PTPN1: variants seen among roughly 807,000 people sequenced by gnomAD.
PTPN1 encodes the protein protein tyrosine phosphatase non-receptor type 1, also known as tyrosine-protein phosphatase non-receptor type 1.
In PTPN1, 12 loss-of-function variants were observed where a neutral mutation model predicts 59.9. That is an observed-to-expected ratio of 0.20 (90% CI 0.13 to 0.32). The LOEUF (loss-of-function observed/expected upper bound fraction) is 0.32, where lower values mean the gene tolerates loss of function less well. Among genes scored for constraint, PTPN1 ranks in the 10% least tolerant of loss-of-function variants. The pLI is 1.00. For missense variants in PTPN1, 356 were observed against 549.2 expected (o/e 0.65, Z 3.52); for synonymous variants, 178 against 203.6 (o/e 0.87, Z 1.07).
At chr20:50,548,641 T>G (rs953432908) in intron 1 of PTPN1, among the ~76,000 whole-genome samples, 2 of 151,842 alleles carry the variant, frequency 1.3e-5, no homozygotes, top group African/African-American at 4.8e-5. Flanking sequence ...CCTGGGCTCA[T>G]GTGATCTGCC....
At chr20:50,528,488 C>T (rs1389448935) in intron 1 of PTPN1, among the ~76,000 whole-genome samples, 2 of 151,926 alleles carry the variant, frequency 1.3e-5, no homozygotes, top group East Asian at 1.9e-4. Context: ...CTGAGGTGGG[C>T]GGATCACTTG....
At chr20:50,526,116 C>G (rs1223261926) in intron 1 of PTPN1, among the ~76,000 whole-genome samples, 1 of 152,206 alleles carries the variant, frequency 6.6e-6, no homozygotes, top group Admixed American at 6.5e-5. Context: ...TGCAGATTCT[C>G]TCTTTCACTG....
intron 3 of PTPN1, among the ~76,000 whole-genome samples, chr20:50,566,597 G>GAA (rs554145684): frequency 2.6e-5 from 4 of 152,160 alleles, no homozygotes; most frequent in South Asian, 4.2e-4. Context: ...CCCAAACCAA[G>GAA]AACACCCTTC....
intron 1 of PTPN1, among the ~76,000 whole-genome samples, chr20:50,537,335 T>C (rs1350056451): frequency 6.6e-6 from 1 of 151,924 alleles, no homozygotes; most frequent in Non-Finnish European, 1.5e-5. Flanking sequence ...AAAATAATAA[T>C]AATAATAATA....
At chr20:50,522,414 A>G (rs2082555349) in intron 1 of PTPN1, among the ~76,000 whole-genome samples, 1 of 152,214 alleles carries the variant, frequency 6.6e-6, no homozygotes, top group African/African-American at 2.4e-5. Flanking sequence ...TTGCTTTGTG[A>G]CTTGGTCAGG....
chr20:50,523,985 C>T (rs919686547), intron 1 of PTPN1, among the ~76,000 whole-genome samples: 3 of 152,124 alleles, frequency 2.0e-5, no homozygotes, highest in African/African-American at 7.2e-5. Context: ...TCACTTCCTT[C>T]CTCTTTGGTC....
Position 50,581,464 on chromosome 20 carries a change from T to C in PTPN1, c.1284+4T>C. Reference sequence around the variant, plus strand: ...CGGCGCTTACCTCTGCTACAGGGTATGTTTCCACTGACAGACGCGCTGGCG... The same window carrying C: ...CGGCGCTTACCTCTGCTACAGGGTACGTTTCCACTGACAGACGCGCTGGCG... On this transcript the variant is annotated splice_donor_region_variant and intron_variant, in intron 9 of 9. Coordinates refer to ENST00000371621, the MANE Select transcript of PTPN1 (RefSeq NM_002827.4). 6.3e-7 allele frequency: 1 copy of C among 1,594,920 alleles called. No individual in the cohort carries two copies. The highest frequency in any genetic ancestry group is 8.6e-7 in the Non-Finnish European group (1 of 1,164,298).
Position 50,584,288 on chromosome 20 carries a change from T to C in PTPN1, c.*1573T>C, listed in dbSNP as rs917992168. 6.6e-6 allele frequency: 1 copy of C among 152,518 alleles called. No individual in the cohort carries two copies. The highest frequency in any genetic ancestry group is 2.4e-5 in the African/African-American group (1 of 41,456). The allele number at this position is 152,518 out of a possible 1,614,324, so 9.4% of individuals were successfully genotyped here. A position where few individuals can be genotyped will look rare whatever the true frequency, so the allele number is the denominator to read the frequency against. On this transcript the variant is annotated 3_prime_UTR_variant, in exon 10 of 10. Transcript: ENST00000371621. ...TGGTGAGGTGTGGATAAGGCTTAGGTGCCAGGCTGTAAGCATTCTGAGCTG... is the reference window on the plus strand; with the variant it reads ...TGGTGAGGTGTGGATAAGGCTTAGGCGCCAGGCTGTAAGCATTCTGAGCTG...
intron 1 of PTPN1, among the ~76,000 whole-genome samples, chr20:50,514,416 C>T (rs1406975201): frequency 2.0e-5 from 3 of 152,270 alleles, no homozygotes; most frequent in East Asian, 3.9e-4. Flanking sequence ...ACTGAAATAA[C>T]GGCCTTTTGT....
intron 1 of PTPN1, among the ~76,000 whole-genome samples, chr20:50,546,456 C>T (rs951544798): frequency 6.6e-6 from 1 of 152,090 alleles, no homozygotes; most frequent in African/African-American, 2.4e-5. Context: ...GGGCATTGGT[C>T]GTATTTTATT....
intron 1 of PTPN1, among the ~76,000 whole-genome samples, chr20:50,513,841 A>C (rs1038647778): frequency 2.0e-4 from 31 of 152,324 alleles, no homozygotes; most frequent in Middle Eastern, 3.4e-3. Flanking sequence ...CAGAGGAAAA[A>C]AAACTATTTT....
intron 1 of PTPN1, among the ~76,000 whole-genome samples, chr20:50,547,218 A>T (rs896114583): frequency 6.6e-6 from 1 of 152,226 alleles, no homozygotes; most frequent in African/African-American, 2.4e-5. Flanking sequence ...AAGTCGGGAC[A>T]CTTGAAAAAG....
chr20:50,560,227 C>T (rs777067751), intron 1 of PTPN1, among the ~76,000 whole-genome samples: 1 of 151,926 alleles, frequency 6.6e-6, no homozygotes, highest in African/African-American at 2.4e-5. Context: ...TTTGGTGGAG[C>T]GCTCACATCT....
chr20:50,514,341 A>G (rs576905403), intron 1 of PTPN1, among the ~76,000 whole-genome samples: 1 of 143,400 alleles, frequency 7.0e-6, no homozygotes, highest in Admixed American at 7.4e-5. Flanking sequence ...ATGTAATTGA[A>G]TGTGTACTGA....
intron 7 of PTPN1, 114 bp from the exon 8 acceptor site, chr20:50,579,589 C>G: frequency 1.0e-6 from 1 of 991,658 alleles, no homozygotes; most frequent in South Asian, 1.5e-5. Flanking sequence ...TGGCTGCAGC[C>G]CTGAGAGGCC....
chr20:50,533,699 C>CA (rs397864600), intron 1 of PTPN1, among the ~76,000 whole-genome samples: 7 of 152,166 alleles, frequency 4.6e-5, no homozygotes, highest in African/African-American at 1.4e-4. Context: ...TGCCCCCCCC[C>CA]AGAAAGGAAG....
rs59130701 is a variant in PTPN1, at chr20:50,583,070, GC to G, written c.*363del. 5.6e-5 allele frequency: 17 copies of G among 301,486 alleles called. No homozygotes were observed. Among genetic ancestry groups the G allele is most frequent in the Admixed American group, 1.4e-4 (3 of 21,642 alleles). 18.7% of individuals were successfully genotyped at this position (301,486 alleles called of 1,614,324 possible). On this transcript the variant is annotated 3_prime_UTR_variant, in exon 10 of 10. Coordinates refer to ENST00000371621, the MANE Select transcript of PTPN1 (RefSeq NM_002827.4). Reference sequence around the variant, plus strand: ...ATCCCAGGCGGGCGGCACGCCAACAGCCCCCCCCTTGAATCTGCAGGGAGCA... The same window carrying G: ...ATCCCAGGCGGGCGGCACGCCAACAGCCCCCCCTTGAATCTGCAGGGAGCA...
Position 50,510,459 on chromosome 20 carries a change from C to A in PTPN1, c.-69C>A. The A allele has an allele frequency of 6.6e-7, 1 of 1,518,132 alleles. No individual in the cohort carries two copies. The highest frequency in any genetic ancestry group is 1.4e-5 in the African/African-American group (1 of 71,556). 94.0% of individuals were successfully genotyped at this position (1,518,132 alleles called of 1,614,324 possible). A position where few individuals can be genotyped will look rare whatever the true frequency, so the allele number is the denominator to read the frequency against. The stretch of plus-strand genomic sequence containing the variant: ...GCAGCGGGCCTCGGGGCTAAGAGCG[C>A]GACGCGGCCTAGAGCGGCAGACGGC... On this transcript the variant is annotated 5_prime_UTR_variant, in exon 1 of 10. Transcript: ENST00000371621.
intron 1 of PTPN1, among the ~76,000 whole-genome samples, chr20:50,557,320 T>C (rs1003682101): frequency 3.3e-5 from 5 of 152,192 alleles, no homozygotes; most frequent in African/African-American, 1.2e-4. Flanking sequence ...AGCCTCGAAC[T>C]CCTGGGCTCA....
Sources: allele counts gnomAD v4.1 joint callset (sites outside exome capture counted in the v4.1 genomes callset), GRCh38; gene constraint gnomAD v4.1.1; transcripts MANE v1.5; gene names NCBI Gene and HGNC (gene_info 2026-07-23, HGNC 2026-07-21).